Variants in MLXIP observed in about 807,000 individuals in gnomAD.
The protein encoded by MLXIP is MLX interacting protein, also known as MLX-interacting protein.
In MLXIP, 30 loss-of-function variants were observed where a neutral mutation model predicts 87.2. That is an observed-to-expected ratio of 0.34 (90% CI 0.26 to 0.47). The LOEUF (loss-of-function observed/expected upper bound fraction) is 0.47, where lower values mean the gene tolerates loss of function less well. Among genes scored for constraint, MLXIP ranks in the 20% least tolerant of loss-of-function variants. The pLI is 1.00. For missense variants in MLXIP, 1,002 were observed against 1,240.1 expected, an observed-to-expected ratio of 0.81 and a Z score of 2.88; for synonymous variants, 530 against 514.0, an observed-to-expected ratio of 1.03 and a Z score of -0.42.
At chr12:122,118,333 G>T (rs1475355262) in intron 1 of MLXIP, among the ~76,000 whole-genome samples, 1 of 152,170 alleles carries the variant, frequency 6.6e-6, no homozygotes, top group Non-Finnish European at 1.5e-5. Context: ...GCACAATACC[G>T]CAGAAAAGGG....
At position 122,122,611 on chromosome 12, in the gene MLXIP, G is replaced by A. The variant is rs540906832; in HGVS notation, c.414-4645G>A. 1.1e-4 allele frequency among the ~76,000 whole-genome samples: 17 copies of A among 151,652 alleles called. No individual in the cohort carries two copies. In the South Asian group the frequency reaches 3.3e-3, roughly 30 times the overall value. On this transcript the variant is annotated intron_variant, in intron 1 of 16. Coordinates refer to ENST00000319080, the MANE Select transcript of MLXIP (RefSeq NM_014938.6). ...GGCTGGAGTGCAGTGATGCGATCTC[G>A]GCTCACTGTACTCTCCGCCTCCCAG... is the stretch of plus-strand genomic sequence containing the variant.
Position 122,129,985 on chromosome 12 carries a change from G to A in MLXIP, c.783G>A (p.Lys261=). Residue 261 remains lysine, a synonymous_variant, in exon 6 of 17, where the codon AAG becomes AAA. Coordinates refer to ENST00000319080, the MANE Select transcript of MLXIP (RefSeq NM_014938.6). ...GGCACAAGCACGGGGATGGATGGAA[G>A]ACCCCCGTCCCCATGGAGGAGGATC... ...LYWHKHGDGW[K]TPVPMEEDPL... 6.2e-7 allele frequency: 1 copy of A among 1,613,964 alleles called. No homozygotes were observed. Among genetic ancestry groups the A allele is most frequent in the Non-Finnish European group, 8.5e-7 (1 of 1,179,872 alleles).
At chr12:122,101,574 C>CTT (rs570174397) in intron 1 of MLXIP, among the ~76,000 whole-genome samples, 2 of 61,808 alleles carry the variant, frequency 3.2e-5, no homozygotes, top group African/African-American at 1.3e-4. Flanking sequence ...TTATTTTTTT[C>CTT]TTTTTTTTTC....
intron 1 of MLXIP, among the ~76,000 whole-genome samples, chr12:122,100,410 C>G (rs1333039880): frequency 3.9e-5 from 6 of 152,180 alleles, no homozygotes; most frequent in Admixed American, 3.9e-4. Context: ...ATCTCTTTTA[C>G]AAAATTAACC....
rs1251599342 is a variant in MLXIP at position 122,145,667 on chromosome 12, T to A, written c.*3855T>A. The A allele has an allele frequency of 6.6e-6, 1 of 152,378 alleles. No individual in the cohort carries two copies. The highest frequency in any genetic ancestry group is 1.5e-5 in the Non-Finnish European group (1 of 68,218). The allele number at this position is 152,378 out of a possible 1,614,324, so 9.4% of individuals were successfully genotyped here. Reference sequence around the variant, plus strand: ...AACCTGAGGTGGCAGGTTCAGGTTTTCAAGATGGTGAGGTCTCGCTGTCTG... The same window carrying A: ...AACCTGAGGTGGCAGGTTCAGGTTTACAAGATGGTGAGGTCTCGCTGTCTG... On this transcript the variant is annotated 3_prime_UTR_variant, in exon 17 of 17. Coordinates refer to ENST00000319080, the MANE Select transcript of MLXIP (RefSeq NM_014938.6).
At chr12:122,115,811 G>A (rs993003535) in intron 1 of MLXIP, among the ~76,000 whole-genome samples, 3 of 152,012 alleles carry the variant, frequency 2.0e-5, no homozygotes, top group South Asian at 2.1e-4. Flanking sequence ...CCAGTACTTC[G>A]GGAGGCTGAG....
At chr12:122,093,990 G>T (rs2135911597) in intron 1 of MLXIP, among the ~76,000 whole-genome samples, 1 of 144,318 alleles carries the variant, frequency 6.9e-6, no homozygotes, top group African/African-American at 2.6e-5. Context: ...GTGTGTGTTT[G>T]CGGTGTCTGG....
intron 1 of MLXIP, among the ~76,000 whole-genome samples, chr12:122,122,994 T>A (rs1180497869): frequency 6.6e-6 from 1 of 152,022 alleles, no homozygotes; most frequent in Non-Finnish European, 1.5e-5. Context: ...ACCTGGCCCA[T>A]TGTGGGACTT....
At chr12:122,120,421 T>C (rs1318847746) in intron 1 of MLXIP, among the ~76,000 whole-genome samples, 2 of 152,106 alleles carry the variant, frequency 1.3e-5, no homozygotes, top group Admixed American at 1.3e-4. Flanking sequence ...TGGTGGTCTC[T>C]CACTACGTTA....
rs73417663 is a variant in MLXIP at position 122,105,633 on chromosome 12, G to A, written c.414-21623G>A. 6.0e-3 allele frequency among the ~76,000 whole-genome samples: 913 copies of A among 152,038 alleles called. 10 individuals are homozygous for A. Among genetic ancestry groups the A allele is most frequent in the African/African-American group, 0.021 (852 of 41,454 alleles). ...ATTACAGGAGTGAGCCACCGCGCTC[G>A]GCTGATTTTTCACTTTTATGTGGTC... On this transcript the variant is annotated intron_variant, in intron 1 of 16. Transcript: ENST00000319080.
chr12:122,128,806 G>A (rs943471055), intron 3 of MLXIP: 1 of 249,654 alleles, frequency 4.0e-6, no homozygotes, highest in Admixed American at 5.0e-5. Flanking sequence ...GGGCATTTAT[G>A]GGGGGGCTTG....
At chr12:122,079,543 G>T (rs1327871974) in intron 1 of MLXIP, among the ~76,000 whole-genome samples, 1 of 152,210 alleles carries the variant, frequency 6.6e-6, no homozygotes, top group African/African-American at 2.4e-5. Context: ...GTTGGACGAG[G>T]AAGAGGTATA....
intron 1 of MLXIP, among the ~76,000 whole-genome samples, chr12:122,109,647 C>T (rs1733864250): frequency 6.6e-6 from 1 of 152,222 alleles, no homozygotes; most frequent in South Asian, 2.1e-4. Context: ...ACTGTTTCTA[C>T]AGCTTGCCTT....
chr12:122,107,600 T>G (rs1335314446), intron 1 of MLXIP, among the ~76,000 whole-genome samples: 2 of 152,218 alleles, frequency 1.3e-5, no homozygotes, highest in African/African-American at 4.8e-5. Context: ...ATACCTGGCT[T>G]CATTTCATTC....
At chr12:122,103,203 T>TATGTATG (rs1952464323) in intron 1 of MLXIP, among the ~76,000 whole-genome samples, 2 of 116,278 alleles carry the variant, frequency 1.7e-5, no homozygotes, top group African/African-American at 7.4e-5. Context: ...ATGTATGTAT[T>TATGTATG]TATTTATTTA....
rs112173094 is a variant in MLXIP at position 122,138,552 on chromosome 12, G to C, written c.2384+1G>C. ...TCGAGGAGCTCAATGCCACCATCAT[G>C]TGAGCTTCTGGGCCTTGGGGCTCCA... On this transcript the variant is annotated splice_donor_variant, in intron 14 of 16. Transcript: ENST00000319080. LOFTEE classifies it high-confidence loss of function. The C allele has an allele frequency of 1.2e-6, 2 of 1,609,504 alleles. No homozygotes were observed. The highest frequency in any genetic ancestry group is 8.5e-7 in the Non-Finnish European group (1 of 1,178,316).
intron 1 of MLXIP, among the ~76,000 whole-genome samples, chr12:122,088,165 T>G (rs1952195435): frequency 6.6e-6 from 1 of 152,198 alleles, no homozygotes; most frequent in Non-Finnish European, 1.5e-5. Context: ...CCTAGGTTTC[T>G]TCTTGCTCCC....
At chr12:122,085,928 G>A (rs1027081503) in intron 1 of MLXIP, among the ~76,000 whole-genome samples, 1 of 152,150 alleles carries the variant, frequency 6.6e-6, no homozygotes, top group Non-Finnish European at 1.5e-5. Context: ...CAAGGTTGCT[G>A]GTCTACTGAC....
intron 1 of MLXIP, among the ~76,000 whole-genome samples, chr12:122,093,141 G>A (rs1952274224): frequency 6.7e-6 from 1 of 148,860 alleles, no homozygotes; most frequent in Non-Finnish European, 1.5e-5. Flanking sequence ...GTCTGTTGAT[G>A]TGTGTGTTGG....
Sources: allele counts gnomAD v4.1 joint callset (sites outside exome capture counted in the v4.1 genomes callset), GRCh38; gene constraint gnomAD v4.1.1; transcripts MANE v1.5; gene names NCBI Gene and HGNC (gene_info 2026-07-23, HGNC 2026-07-21).